Variants in NID1 observed in about 807,000 individuals in gnomAD.
NID1 encodes nidogen-1.
In NID1, 76 loss-of-function variants were observed where a neutral mutation model predicts 130.6. The ratio of observed to expected loss-of-function variants is 0.58; its 90% confidence interval spans 0.48 to 0.70. NID1 has a LOEUF of 0.70. NID1 is among the 30% of genes least tolerant of loss of function. The pLI, the probability that NID1 is intolerant of heterozygous loss-of-function variation, is 0.00. For missense variants in NID1, 1,517 were observed against 1,664.8 expected (o/e 0.91, Z 1.54); for synonymous variants, 665 against 675.1 (o/e 0.98, Z 0.23).
intron 4 of NID1, among the ~76,000 whole-genome samples, chr1:236,040,521 A>G (rs776725295): frequency 1.3e-5 from 2 of 152,184 alleles, no homozygotes; most frequent in Non-Finnish European, 2.9e-5. Flanking sequence ...GAGTTTTATG[A>G]TCATTCCTTA....
chr1:236,024,447 T>C (rs1195348773), intron 8 of NID1, among the ~76,000 whole-genome samples: 2 of 152,252 alleles, frequency 1.3e-5, no homozygotes, highest in African/African-American at 4.8e-5. Flanking sequence ...TATTTATGTA[T>C]GGTCTATGGC....
chr1:236,021,733 C>T (rs1333843595), intron 9 of NID1, among the ~76,000 whole-genome samples: 1 of 152,186 alleles, frequency 6.6e-6, no homozygotes, highest in Non-Finnish European at 1.5e-5. Flanking sequence ...TCCTTATGCT[C>T]ATTAGTGAGC....
At chr1:236,063,057 G>A (rs929692131) in intron 1 of NID1, among the ~76,000 whole-genome samples, 1 of 150,640 alleles carries the variant, frequency 6.6e-6, no homozygotes, top group East Asian at 1.9e-4. Context: ...AGGAGGCTGA[G>A]GCAGGAAAAT....
chr1:236,007,233 T>C (rs1463915958), intron 12 of NID1, among the ~76,000 whole-genome samples: 1 of 152,228 alleles, frequency 6.6e-6, no homozygotes, highest in Non-Finnish European at 1.5e-5. Context: ...GGGGTCTTGC[T>C]ATGTTGTCCA....
At chr1:236,003,196 T>C (rs998834621) in intron 12 of NID1, among the ~76,000 whole-genome samples, 7 of 107,902 alleles carry the variant, frequency 6.5e-5, no homozygotes, top group African/African-American at 2.7e-4. Context: ...CTGGTAGTTG[T>C]CACTCCTAGT....
At chr1:236,023,299 T>A (rs1658818358) in intron 9 of NID1, among the ~76,000 whole-genome samples, 1 of 152,116 alleles carries the variant, frequency 6.6e-6, no homozygotes, top group Non-Finnish European at 1.5e-5. Context: ...GGAAAAAAAA[T>A]TCTGACACAT....
At chr1:235,993,507 G>T in intron 13 of NID1, 138 bp downstream of exon 13, 1 of 755,710 alleles carries the variant, frequency 1.3e-6, no homozygotes. Context: ...GAAGGGTGCA[G>T]CAGGAGCGGG....
intron 1 of NID1, among the ~76,000 whole-genome samples, chr1:236,062,070 C>T (rs1660052046): frequency 3.3e-5 from 5 of 152,170 alleles, no homozygotes; most frequent in Non-Finnish European, 7.3e-5. Flanking sequence ...AATTCCAGTC[C>T]TAGGTATATA....
intron 15 of NID1, among the ~76,000 whole-genome samples, chr1:235,984,955 C>T (rs756281293): frequency 1.3e-5 from 2 of 151,944 alleles, no homozygotes; most frequent in South Asian, 2.1e-4. Context: ...TTTGGGAGGC[C>T]GAGGTGGGCG....
At chr1:235,986,267 A>G (rs1216074305) in intron 14 of NID1, among the ~76,000 whole-genome samples, 1 of 152,232 alleles carries the variant, frequency 6.6e-6, no homozygotes, top group Non-Finnish European at 1.5e-5. Flanking sequence ...AAATTACTCT[A>G]TTCTAAGATA....
rs376514003 is a variant in NID1 at position 235,993,379 on chromosome 1, G to A, written c.2755+266C>T. ...GGTACCGCTGTGGCAGGCCCCACTGGGTATTTACACCCTACACGTGTGTGT... is the reference window on the plus strand; with the variant it reads ...GGTACCGCTGTGGCAGGCCCCACTGAGTATTTACACCCTACACGTGTGTGT... On this transcript the variant is annotated intron_variant, in intron 13 of 19. Transcript: ENST00000264187. Among the ~76,000 whole-genome samples, 72 of 143,928 alleles carry A rather than the reference G, an allele frequency of 5.0e-4. 1 individual carries two copies. The East Asian group carries it at 0.012, about 24-fold the overall frequency. 94.4% of individuals were successfully genotyped at this position (143,928 alleles called of 152,430 possible). A position where few individuals can be genotyped will look rare whatever the true frequency, so the allele number is the denominator to read the frequency against.
chr1:236,031,170 G>A (rs1291190423), intron 6 of NID1, among the ~76,000 whole-genome samples: 1 of 151,764 alleles, frequency 6.6e-6, no homozygotes. Context: ...CCAGGCTGGA[G>A]TGCAATGGCA....
intron 1 of NID1, among the ~76,000 whole-genome samples, chr1:236,052,557 A>T (rs970903372): frequency 2.6e-5 from 4 of 152,172 alleles, no homozygotes; most frequent in African/African-American, 9.7e-5. Context: ...GCAGGTCCTC[A>T]AATAACTTCA....
intron 1 of NID1, among the ~76,000 whole-genome samples, chr1:236,050,295 TG>T (rs1296124515): frequency 3.9e-5 from 6 of 152,170 alleles, no homozygotes; most frequent in Non-Finnish European, 7.3e-5. Context: ...GGCTCACGCC[TG>T]TAATCCCAGC....
chr1:236,008,436 G>A (rs1390254269), intron 12 of NID1, among the ~76,000 whole-genome samples: 1 of 152,072 alleles, frequency 6.6e-6, no homozygotes, highest in Non-Finnish European at 1.5e-5. Flanking sequence ...ACTATGATAG[G>A]CACCAGGAGA....
chr1:236,013,086 T>C (rs1316105227), intron 11 of NID1, among the ~76,000 whole-genome samples: 2 of 152,228 alleles, frequency 1.3e-5, no homozygotes, highest in Non-Finnish European at 2.9e-5. Context: ...TTAATCTCCA[T>C]GCATGTCCTC....
At chr1:235,978,701 G>A (rs1657343933) in intron 19 of NID1, among the ~76,000 whole-genome samples, 2 of 152,166 alleles carry the variant, frequency 1.3e-5, no homozygotes, top group Admixed American at 1.3e-4. Flanking sequence ...TTTTAAAGGA[G>A]CAGAGATCCT....
Position 235,985,501 on chromosome 1 carries a change from T to C in NID1, c.2933A>G (p.Lys978Arg). The change falls in exon 15 of 20, where the codon AAA becomes AGA. Residue 978 changes from lysine (K) to arginine (R), a missense_variant. By Grantham distance (26) the Lys-to-Arg change is conservative (BLOSUM62 2). Coordinates refer to ENST00000264187, the MANE Select transcript of NID1 (RefSeq NM_002508.3). Reference protein sequence around the residue: ...EAKAFLHVPAKVIIGLAFDCV... With the variant: ...EAKAFLHVPARVIIGLAFDCV... Reference sequence around the variant, plus strand: ...GTCAAAGGCCAGTCCAATGATGACTTTAGCCTGGATGTGAAGACCAGTGGT... The same window carrying C: ...GTCAAAGGCCAGTCCAATGATGACTCTAGCCTGGATGTGAAGACCAGTGGT... The C allele has an allele frequency of 1.2e-6, 2 of 1,614,130 alleles. No homozygotes were observed. Among genetic ancestry groups the C allele is most frequent in the Non-Finnish European group, 8.5e-7 (1 of 1,179,968 alleles).
intron 2 of NID1, 134 bp downstream of exon 2, chr1:236,048,556 A>G: frequency 1.1e-6 from 1 of 928,482 alleles, no homozygotes; most frequent in Non-Finnish European, 1.6e-6. Context: ...TAACCAGCCT[A>G]CTAGATTTTG....
Sources: allele counts gnomAD v4.1 joint callset (sites outside exome capture counted in the v4.1 genomes callset), GRCh38; gene constraint gnomAD v4.1.1; transcripts MANE v1.5; gene names NCBI Gene and HGNC (gene_info 2026-07-23, HGNC 2026-07-21).